Variants in MDFIC2 observed in about 807,000 individuals in gnomAD.
MDFIC2 encodes the protein myoD family inhibitor domain-containing protein 2.
intron 2 of MDFIC2, among the ~76,000 whole-genome samples, chr3:70,230,130 TG>T (rs1337032583): frequency 6.6e-6 from 1 of 152,186 alleles, no homozygotes; most frequent in Non-Finnish European, 1.5e-5. Flanking sequence ...GAATTAAAAA[TG>T]GTCAGGCCGA....
intron 2 of MDFIC2, among the ~76,000 whole-genome samples, chr3:70,252,549 A>C (rs936034762): frequency 6.6e-6 from 1 of 152,200 alleles, no homozygotes. Context: ...GAGGCTAGGC[A>C]AACAATATAA....
rs556202016 is a variant in MDFIC2, at chr3:70,221,799, T to C, written c.89-15009A>G. Among the ~76,000 whole-genome samples, 231 of 152,248 alleles carry C rather than the reference T, an allele frequency of 1.5e-3. 1 individual carries two copies. Among genetic ancestry groups the C allele is most frequent in the Non-Finnish European group, 2.5e-3 (172 of 68,024 alleles). On this transcript the variant is annotated intron_variant, in intron 2 of 3. Coordinates refer to ENST00000567252, the MANE Select transcript of MDFIC2 (RefSeq NM_001364677.1). The stretch of plus-strand genomic sequence containing the variant: ...ATATCGAGCATCATTGTTAAGGTGG[T>C]CTTGCCATTTACAGGACATTGCTAA...
chr3:70,281,318 C>T (rs1457140843), intron 2 of MDFIC2, among the ~76,000 whole-genome samples: 1 of 152,134 alleles, frequency 6.6e-6, no homozygotes, highest in East Asian at 1.9e-4. Context: ...CATTCAGGAA[C>T]CTCCTGATCT....
chr3:70,254,446 C>A (rs181525773), intron 2 of MDFIC2, among the ~76,000 whole-genome samples: 39 of 152,194 alleles, frequency 2.6e-4, no homozygotes, highest in Non-Finnish European at 1.2e-4. Flanking sequence ...CCATTTTAGA[C>A]ACAAAGGGCG....
At chr3:70,274,209 T>C (rs571966244) in intron 2 of MDFIC2, among the ~76,000 whole-genome samples, 55 of 152,050 alleles carry the variant, frequency 3.6e-4, no homozygotes, top group Admixed American at 7.2e-4. Flanking sequence ...TGTGTGTTTG[T>C]AGAGAAAGAC....
At chr3:70,311,346 C>G (rs116563784) in intron 2 of MDFIC2, among the ~76,000 whole-genome samples, 1,876 of 152,260 alleles carry the variant, frequency 0.012, 15 homozygotes, top group Non-Finnish European at 0.021. Context: ...GTGCGCAAAT[C>G]TGTACTCATT....
chr3:70,240,224 C>A (rs1197558943), intron 2 of MDFIC2, among the ~76,000 whole-genome samples: 3 of 151,946 alleles, frequency 2.0e-5, no homozygotes, highest in Non-Finnish European at 4.4e-5. Context: ...ACAGAGCCAT[C>A]CTGGTGAACT....
chr3:70,280,497 TGCTTTCTAG>T (rs1188356795), intron 2 of MDFIC2, among the ~76,000 whole-genome samples: 12 of 152,142 alleles, frequency 7.9e-5, no homozygotes. Context: ...CCTCAAGCCC[TGCTTTCTAG>T]GGGAGCTGAG....
chr3:70,200,785 T>A (rs1292673097), intron 3 of MDFIC2, among the ~76,000 whole-genome samples: 1 of 152,200 alleles, frequency 6.6e-6, no homozygotes, highest in Non-Finnish European at 1.5e-5. Context: ...ATTTTTTAGA[T>A]GCAAGGACTA....
intron 2 of MDFIC2, among the ~76,000 whole-genome samples, chr3:70,267,118 G>A (rs1241708836): frequency 6.6e-6 from 1 of 152,180 alleles, no homozygotes; most frequent in East Asian, 1.9e-4. Flanking sequence ...GGGTGGGAAG[G>A]AGAATAGGAA....
chr3:70,263,075 C>T (rs184173210), intron 2 of MDFIC2, among the ~76,000 whole-genome samples: 20 of 152,186 alleles, frequency 1.3e-4, no homozygotes, highest in Admixed American at 1.2e-3. Flanking sequence ...TTATGTTTGT[C>T]TTTCCTCTAT....
At chr3:70,209,861 C>T (rs1377820177) in intron 2 of MDFIC2, among the ~76,000 whole-genome samples, 1 of 152,070 alleles carries the variant, frequency 6.6e-6, no homozygotes, top group African/African-American at 2.4e-5. Flanking sequence ...CTTTGCAAAG[C>T]AAAACTACCT....
At chr3:70,285,312 G>T (rs1702148821) in intron 2 of MDFIC2, among the ~76,000 whole-genome samples, 1 of 149,404 alleles carries the variant, frequency 6.7e-6, no homozygotes, top group South Asian at 2.1e-4. Context: ...GTGGTGTTTG[G>T]TTTTTTGTTC....
intron 2 of MDFIC2, among the ~76,000 whole-genome samples, chr3:70,235,402 T>A (rs76128248): frequency 0.017 from 2,523 of 152,298 alleles, 79 homozygotes; most frequent in African/African-American, 0.056. Context: ...CCCTCACAAT[T>A]GGCTTCCGTC....
chr3:70,268,189 G>T (rs575931295), intron 2 of MDFIC2, among the ~76,000 whole-genome samples: 3 of 152,122 alleles, frequency 2.0e-5, no homozygotes, highest in Admixed American at 6.5e-5. Context: ...AACATTCTCC[G>T]GCTGGGCGCG....
intron 2 of MDFIC2, among the ~76,000 whole-genome samples, chr3:70,233,290 G>A (rs925586665): frequency 6.6e-5 from 10 of 152,154 alleles, no homozygotes; most frequent in African/African-American, 2.4e-4. Flanking sequence ...GGTGGCCCTG[G>A]TGATGTTTGA....
intron 2 of MDFIC2, among the ~76,000 whole-genome samples, chr3:70,260,062 G>A (rs7632447): frequency 0.68 from 103,678 of 152,028 alleles, 36,177 homozygotes; most frequent in Non-Finnish European, 0.76. Context: ...TATAATTCAA[G>A]ATGAGATTTG....
chr3:70,228,439 G>C (rs1701528423), intron 2 of MDFIC2, among the ~76,000 whole-genome samples: 1 of 151,870 alleles, frequency 6.6e-6, no homozygotes, highest in Non-Finnish European at 1.5e-5. Flanking sequence ...AAAAAATAAT[G>C]CTTCACTGAT....
intron 2 of MDFIC2, among the ~76,000 whole-genome samples, chr3:70,252,482 T>C (rs1186578146): frequency 6.6e-6 from 1 of 152,082 alleles, no homozygotes; most frequent in Non-Finnish European, 1.5e-5. Context: ...TTAAGATGGG[T>C]CAGAGAGAAT....
Sources: gnomAD v4.1 joint callset for allele counts (sites outside exome capture counted in the v4.1 genomes callset) on GRCh38, gnomAD v4.1.1 for gene constraint, MANE v1.5 for transcripts, NCBI Gene and HGNC (gene_info 2026-07-23, HGNC 2026-07-21) for gene names.